The following ZFPM2 variants were observed in gnomAD, a reference collection of about 807,000 sequenced individuals.
The protein encoded by ZFPM2 is zinc finger protein, FOG family member 2.
A neutral mutation model predicts 98.6 loss-of-function variants in ZFPM2; 20 were observed. The ratio of observed to expected loss-of-function variants is 0.20; its 90% CI spans 0.14 to 0.29. The LOEUF is 0.29. Ranked by LOEUF, ZFPM2 falls within the 10% of genes least tolerant of loss-of-function variation. ZFPM2 has a pLI of 1.00. For missense variants in ZFPM2, 1,310 were observed against 1,388.6 expected (o/e 0.94, Z 0.90); for synonymous variants, 518 against 502.7 (o/e 1.03, Z -0.41).
intron 7 of ZFPM2, among the ~76,000 whole-genome samples, chr8:105,799,424 G>C (rs889065091): frequency 1.3e-5 from 2 of 152,070 alleles, no homozygotes; most frequent in African/African-American, 4.8e-5. Flanking sequence ...TTTTAAATAT[G>C]GATCAGTAAA....
At chr8:105,596,482 T>C (rs999146920) in intron 4 of ZFPM2, among the ~76,000 whole-genome samples, 5 of 152,058 alleles carry the variant, frequency 3.3e-5, no homozygotes, top group Admixed American at 3.3e-4. Context: ...CTGGTTGTTC[T>C]GGTATGCCAT....
chr8:105,600,492 C>A (rs1816069735), intron 4 of ZFPM2, among the ~76,000 whole-genome samples: 1 of 151,872 alleles, frequency 6.6e-6, no homozygotes. Flanking sequence ...TTGTATCTGA[C>A]AAATATTAAT....
At chr8:105,768,283 C>A (rs1812901226) in intron 5 of ZFPM2, among the ~76,000 whole-genome samples, 1 of 151,792 alleles carries the variant, frequency 6.6e-6, no homozygotes, top group African/African-American at 2.4e-5. Flanking sequence ...AAAACTAAGT[C>A]CTGGGAATGT....
intron 5 of ZFPM2, among the ~76,000 whole-genome samples, chr8:105,770,764 G>A (rs1812961865): frequency 6.6e-6 from 1 of 152,090 alleles, no homozygotes; most frequent in African/African-American, 2.4e-5. Flanking sequence ...CTAGGCATCT[G>A]TTTGCCAAAA....
chr8:105,471,286 G>A (rs1409485583), intron 3 of ZFPM2, among the ~76,000 whole-genome samples: 2 of 151,900 alleles, frequency 1.3e-5, no homozygotes, highest in African/African-American at 4.8e-5. Flanking sequence ...ACTAGATTTG[G>A]GGCCACAAAG....
chr8:105,495,268 G>A (rs1281017462), intron 3 of ZFPM2, among the ~76,000 whole-genome samples: 1 of 152,104 alleles, frequency 6.6e-6, no homozygotes, highest in Non-Finnish European at 1.5e-5. Flanking sequence ...AAATGTCATC[G>A]ACAAAATGTA....
intron 5 of ZFPM2, among the ~76,000 whole-genome samples, chr8:105,711,158 CCAA>C (rs1244954592): frequency 2.6e-5 from 4 of 152,082 alleles, no homozygotes; most frequent in Non-Finnish European, 5.9e-5. Flanking sequence ...AAATAAAATG[CCAA>C]CAACAAGAAT....
intron 4 of ZFPM2, among the ~76,000 whole-genome samples, chr8:105,626,966 C>T (rs2130827122): frequency 6.6e-6 from 1 of 152,252 alleles, no homozygotes; most frequent in South Asian, 2.1e-4. Flanking sequence ...AAAATAAGCT[C>T]ATCTCATGGG....
intron 5 of ZFPM2, among the ~76,000 whole-genome samples, chr8:105,697,920 C>T (rs1811055849): frequency 6.6e-6 from 1 of 152,116 alleles, no homozygotes; most frequent in South Asian, 2.1e-4. Context: ...ATCATAGTCT[C>T]TGATAGTTGT....
At chr8:105,378,463 C>A (rs1245308076) in intron 1 of ZFPM2, among the ~76,000 whole-genome samples, 2 of 152,218 alleles carry the variant, frequency 1.3e-5, no homozygotes, top group Non-Finnish European at 2.9e-5. Flanking sequence ...TGTGTACATG[C>A]CTTAATCTTT....
Position 105,798,652 on chromosome 8 carries a change from T to G in ZFPM2, c.740-72T>G. 15 of 1,377,140 alleles carry G rather than the reference T, an allele frequency of 1.1e-5. 1 individual carries two copies. The highest frequency in any genetic ancestry group is 1.4e-5 in the Non-Finnish European group (14 of 996,262). 85.3% of individuals were successfully genotyped at this position (1,377,140 alleles called of 1,614,324 possible). On this transcript the variant is annotated intron_variant, in intron 6 of 7. Transcript: ENST00000407775. ...GAGCGGAGTCTGAGAAAAATTGAAC[T>G]AAATGCTGCTTTACCCACAGTTGGT...
At chr8:105,606,460 T>C (rs1417701344) in intron 4 of ZFPM2, among the ~76,000 whole-genome samples, 1 of 152,088 alleles carries the variant, frequency 6.6e-6, no homozygotes, top group African/African-American at 2.4e-5. Flanking sequence ...CTGCTGAGCT[T>C]GTGGCTCTGG....
At chr8:105,460,850 T>C (rs1812692051) in intron 3 of ZFPM2, among the ~76,000 whole-genome samples, 1 of 152,008 alleles carries the variant, frequency 6.6e-6, no homozygotes, top group East Asian at 1.9e-4. Context: ...ACTTATTAAA[T>C]GTAACAATTA....
chr8:105,380,573 A>G (rs1199746640), intron 1 of ZFPM2, among the ~76,000 whole-genome samples: 1 of 118,470 alleles, frequency 8.4e-6, no homozygotes, highest in African/African-American at 3.1e-5. Context: ...CAGAAAATCA[A>G]CAGATATTTT....
At chr8:105,513,574 T>C (rs1478891343) in intron 3 of ZFPM2, among the ~76,000 whole-genome samples, 1 of 152,182 alleles carries the variant, frequency 6.6e-6, no homozygotes, top group Admixed American at 6.5e-5. Context: ...AAAAAGCACA[T>C]CTACTCCAGA....
intron 1 of ZFPM2, among the ~76,000 whole-genome samples, chr8:105,330,595 CATATATATATATATACACATAT>C (rs1320765807): frequency 3.4e-5 from 3 of 88,232 alleles, no homozygotes; most frequent in African/African-American, 1.4e-4. Flanking sequence ...TATATATATA[CATATATATATATATACACATAT>C]ATATATATAT....
At chr8:105,418,984 T>C (rs1463450960) in intron 1 of ZFPM2, among the ~76,000 whole-genome samples, 160 bp from the exon 2 acceptor site, 2 of 152,164 alleles carry the variant, frequency 1.3e-5, no homozygotes, top group African/African-American at 2.4e-5. Context: ...GTTTCTTGTA[T>C]ATACGGATGT....
intron 1 of ZFPM2, among the ~76,000 whole-genome samples, chr8:105,369,429 G>A (rs780001255): frequency 6.6e-6 from 1 of 152,004 alleles, no homozygotes; most frequent in Non-Finnish European, 1.5e-5. Context: ...TAATACTATG[G>A]TCTCAAAGCT....
At chr8:105,382,738 T>C (rs1042495193) in intron 1 of ZFPM2, among the ~76,000 whole-genome samples, 1 of 152,136 alleles carries the variant, frequency 6.6e-6, no homozygotes, top group Non-Finnish European at 1.5e-5. Context: ...ATAACTTACT[T>C]GGCAAAGCTT....
Sources: allele counts gnomAD v4.1 joint callset (sites outside exome capture counted in the v4.1 genomes callset), GRCh38; gene constraint gnomAD v4.1.1; transcripts MANE v1.5; gene names NCBI Gene and HGNC (gene_info 2026-07-23, HGNC 2026-07-21).